CTNNBL1: variants seen among roughly 807,000 people sequenced by gnomAD.
CTNNBL1 encodes the protein beta-catenin-like protein 1.
A neutral mutation model predicts 72.7 loss-of-function variants in CTNNBL1; 31 were observed. The ratio of observed to expected loss-of-function variants is 0.43; its 90% CI spans 0.32 to 0.58. The LOEUF is 0.58. CTNNBL1 is among the 20% of genes least tolerant of loss of function. The probability of loss-of-function intolerance (pLI) is 0.08; values close to 1 mark genes in which losing one functional copy is unlikely to be tolerated. For missense variants in CTNNBL1, 534 were observed against 725.1 expected (o/e 0.74, Z 3.03); for synonymous variants, 240 against 267.3 (o/e 0.90, Z 1.00).
chr20:37,738,295 A>C (rs1314795573), intron 3 of CTNNBL1, among the ~76,000 whole-genome samples: 1 of 152,214 alleles, frequency 6.6e-6, no homozygotes, highest in Non-Finnish European at 1.5e-5. Flanking sequence ...TGCCTTCCTC[A>C]CAGGGTTGTA....
At chr20:37,713,621 T>G (rs576318546) in intron 1 of CTNNBL1, among the ~76,000 whole-genome samples, 6 of 152,192 alleles carry the variant, frequency 3.9e-5, no homozygotes, top group Non-Finnish European at 8.8e-5. Flanking sequence ...GCAGCTGGCC[T>G]TGAGGTATTG....
chr20:37,810,458 C>CA (rs1322889439), intron 11 of CTNNBL1, among the ~76,000 whole-genome samples: 2 of 152,156 alleles, frequency 1.3e-5, no homozygotes. Context: ...GTAAAGGTCT[C>CA]ACCACCTCTC....
At chr20:37,722,111 C>T (rs775989151) in intron 1 of CTNNBL1, among the ~76,000 whole-genome samples, 1 of 152,088 alleles carries the variant, frequency 6.6e-6, no homozygotes, top group Non-Finnish European at 1.5e-5. Context: ...TTTTTATATG[C>T]TTATGGGCTA....
intron 4 of CTNNBL1, among the ~76,000 whole-genome samples, chr20:37,753,304 T>C (rs1011320787): frequency 6.6e-6 from 1 of 152,170 alleles, no homozygotes; most frequent in Admixed American, 6.5e-5. Flanking sequence ...GGCAGGAAAG[T>C]AGGCAAGGAG....
At chr20:37,771,747 G>A (rs1568773049) in intron 7 of CTNNBL1, among the ~76,000 whole-genome samples, 1 of 152,014 alleles carries the variant, frequency 6.6e-6, no homozygotes, top group African/African-American at 2.4e-5. Context: ...CTTCTGTGTA[G>A]CCTCTATCAC....
chr20:37,832,103 C>G (rs1353740732), intron 11 of CTNNBL1: 3 of 152,250 alleles, frequency 2.0e-5, no homozygotes, highest in Non-Finnish European at 4.4e-5. Flanking sequence ...CACACAAGCA[C>G]TTTATTTTAA....
At chr20:37,779,406 C>A in intron 10 of CTNNBL1, 71 bp downstream of exon 10, 2 of 1,533,384 alleles carry the variant, frequency 1.3e-6, no homozygotes, top group Admixed American at 3.5e-5. Flanking sequence ...AATTCAAGAG[C>A]ATGTAGCTAT....
intron 10 of CTNNBL1, among the ~76,000 whole-genome samples, chr20:37,798,195 A>G (rs2073795235): frequency 6.6e-6 from 1 of 152,208 alleles, no homozygotes; most frequent in South Asian, 2.1e-4. Flanking sequence ...TAAATATTTG[A>G]TGAGGGAACA....
chr20:37,828,721 G>A (rs1036741690), intron 11 of CTNNBL1, among the ~76,000 whole-genome samples: 9 of 152,168 alleles, frequency 5.9e-5, no homozygotes, highest in Non-Finnish European at 7.3e-5. Flanking sequence ...GAAGAATAGG[G>A]ATGTATGTAC....
rs564062046 is a variant in CTNNBL1, at chr20:37,859,409, C to T, written c.1393-490C>T. On this transcript the variant is annotated intron_variant, in intron 13 of 15. Transcript: ENST00000361383. ...GCTTGACTGACTGGGACCTGAGGCT[C>T]GTTGCCACTACCAGCCTTGCAGGAG... Among the ~76,000 whole-genome samples, 11 of 151,890 alleles carry T rather than the reference C, an allele frequency of 7.2e-5. No homozygotes were observed. In the South Asian group the frequency reaches 1.7e-3, roughly 23 times the overall value.
intron 1 of CTNNBL1, among the ~76,000 whole-genome samples, chr20:37,704,217 C>T (rs959382409): frequency 1.3e-5 from 2 of 152,082 alleles, no homozygotes; most frequent in Non-Finnish European, 2.9e-5. Context: ...TGGGGTATAC[C>T]CCAGATTTGA....
intron 11 of CTNNBL1, among the ~76,000 whole-genome samples, chr20:37,833,567 T>G (rs2072230069): frequency 6.6e-6 from 1 of 152,182 alleles, no homozygotes; most frequent in Non-Finnish European, 1.5e-5. Context: ...CCTTGTTGCT[T>G]CTGTGTGTGT....
chr20:37,801,699 ACTT>A (rs1473587592), intron 10 of CTNNBL1, among the ~76,000 whole-genome samples: 1 of 152,230 alleles, frequency 6.6e-6, no homozygotes, highest in Non-Finnish European at 1.5e-5. Flanking sequence ...ATAGAAGAGA[ACTT>A]CTTCAACCAT....
intron 13 of CTNNBL1, among the ~76,000 whole-genome samples, chr20:37,856,162 G>A (rs923498081): frequency 2.7e-5 from 4 of 148,776 alleles, no homozygotes; most frequent in African/African-American, 7.4e-5. Flanking sequence ...GCTTGAACCC[G>A]GCACTCCAGC....
chr20:37,694,369 C>G (rs928662330), intron 1 of CTNNBL1, among the ~76,000 whole-genome samples: 1 of 152,230 alleles, frequency 6.6e-6, no homozygotes, highest in Non-Finnish European at 1.5e-5. Flanking sequence ...TTCACCTCCT[C>G]TTCCTCACCC....
intron 11 of CTNNBL1, among the ~76,000 whole-genome samples, chr20:37,808,599 C>T (rs984084884): frequency 3.3e-5 from 5 of 152,166 alleles, no homozygotes; most frequent in Admixed American, 6.5e-5. Flanking sequence ...GATACTTTTC[C>T]TCTGCCTGGC....
intron 7 of CTNNBL1, among the ~76,000 whole-genome samples, chr20:37,770,189 T>G (rs1249297183): frequency 1.3e-5 from 2 of 152,194 alleles, no homozygotes; most frequent in Non-Finnish European, 2.9e-5. Flanking sequence ...CTCTCTTGAG[T>G]CTAAATATCC....
intron 1 of CTNNBL1, among the ~76,000 whole-genome samples, chr20:37,726,073 C>A (rs1459438785): frequency 3.3e-5 from 5 of 152,296 alleles, no homozygotes; most frequent in Admixed American, 2.6e-4. Context: ...TTGTTCCCAG[C>A]TTATAGACTG....
At chr20:37,869,204 G>A (rs1019540160) in intron 15 of CTNNBL1, among the ~76,000 whole-genome samples, 9 of 152,282 alleles carry the variant, frequency 5.9e-5, no homozygotes, top group African/African-American at 2.2e-4. Context: ...TCTGGCACAC[G>A]ACCAAAGTAA....
Sources: allele counts gnomAD v4.1 joint callset (sites outside exome capture counted in the v4.1 genomes callset), GRCh38; gene constraint gnomAD v4.1.1; transcripts MANE v1.5; gene names NCBI Gene and HGNC (gene_info 2026-07-23, HGNC 2026-07-21).